The following DAB1 variants were observed in gnomAD, a reference collection of about 807,000 sequenced individuals.
The protein encoded by DAB1 is disabled homolog 1.
In DAB1, 15 loss-of-function variants were observed where a neutral mutation model predicts 64.6. The observed-to-expected ratio is 0.23, with a 90% CI of 0.16 to 0.36. DAB1 has a LOEUF of 0.36. Ranked by LOEUF, DAB1 falls within the 10% of genes least tolerant of loss-of-function variation. DAB1 has a pLI of 1.00. For synonymous variants in DAB1, 235 were observed against 251.9 expected (o/e 0.93, Z 0.64); for missense variants, 596 against 706.7 (o/e 0.84, Z 1.78).
chr1:58,396,921 C>A (rs1173280469), intron 3 of DAB1, among the ~76,000 whole-genome samples: 1 of 152,008 alleles, frequency 6.6e-6, no homozygotes, highest in East Asian at 1.9e-4. Flanking sequence ...AAAAACTAGC[C>A]GGGCGTAGTG....
intron 1 of DAB1, among the ~76,000 whole-genome samples, chr1:57,380,986 A>G (rs1055092816): frequency 2.0e-5 from 3 of 152,122 alleles, no homozygotes; most frequent in Non-Finnish European, 4.4e-5. Flanking sequence ...TCCCTATCCT[A>G]AAATATTGGT....
At chr1:57,350,452 T>A (rs1678490883) in intron 1 of DAB1, among the ~76,000 whole-genome samples, 1 of 152,180 alleles carries the variant, frequency 6.6e-6, no homozygotes, top group Admixed American at 6.5e-5. Context: ...TGCTTGCATG[T>A]TCATGGTAAA....
chr1:57,812,113 T>G (rs1387556345), intron 6 of DAB1, among the ~76,000 whole-genome samples: 1 of 151,736 alleles, frequency 6.6e-6, no homozygotes, highest in Non-Finnish European at 1.5e-5. Context: ...GCTCTTAGTT[T>G]TATTTGTTGA....
chr1:58,001,200 A>G (rs1646501694), intron 5 of DAB1, among the ~76,000 whole-genome samples: 1 of 150,128 alleles, frequency 6.7e-6, no homozygotes, highest in Non-Finnish European at 1.5e-5. Flanking sequence ...TCTCCTCCCT[A>G]CTTTTTTTCT....
chr1:57,310,038 T>A (rs1674539096), intron 1 of DAB1, among the ~76,000 whole-genome samples: 1 of 152,236 alleles, frequency 6.6e-6, no homozygotes, highest in African/African-American at 2.4e-5. Context: ...ATAGTATAAT[T>A]TACAGACTGC....
At chr1:57,305,968 C>CA (rs1048177276) in intron 1 of DAB1, among the ~76,000 whole-genome samples, 3,039 of 61,638 alleles carry the variant, frequency 0.049, 48 homozygotes, top group Middle Eastern at 0.075. Flanking sequence ...GACTCCGTCT[C>CA]AAAAAAAAAA....
intron 1 of DAB1, among the ~76,000 whole-genome samples, chr1:57,324,417 G>T (rs1489698181): frequency 2.6e-5 from 4 of 152,110 alleles, no homozygotes; most frequent in Non-Finnish European, 1.5e-5. Flanking sequence ...CATTTTATCT[G>T]TTTATTTTCC....
intron 3 of DAB1, among the ~76,000 whole-genome samples, chr1:58,459,715 C>T (rs1185561596): frequency 6.6e-6 from 1 of 152,218 alleles, no homozygotes; most frequent in Non-Finnish European, 1.5e-5. Context: ...TGGTGGCTCA[C>T]ACCTATAATC....
chr1:57,779,157 T>G (rs1424662523), intron 6 of DAB1, among the ~76,000 whole-genome samples: 2 of 152,158 alleles, frequency 1.3e-5, no homozygotes. Flanking sequence ...AGACTGGATT[T>G]GAATGTGGCC....
chr1:57,323,591 A>G (rs1451111670), intron 1 of DAB1, among the ~76,000 whole-genome samples: 1 of 152,170 alleles, frequency 6.6e-6, no homozygotes, highest in African/African-American at 2.4e-5. Flanking sequence ...GTATCACCAG[A>G]ACCAGACTGT....
chr1:58,137,101 T>C (rs2100707180), intron 5 of DAB1, among the ~76,000 whole-genome samples: 1 of 152,046 alleles, frequency 6.6e-6, no homozygotes, highest in South Asian at 2.1e-4. Flanking sequence ...AAAAAAAAAC[T>C]AAATTTACAT....
At chr1:57,319,322 G>A (rs1297166245) in intron 1 of DAB1, among the ~76,000 whole-genome samples, 1 of 152,102 alleles carries the variant, frequency 6.6e-6, no homozygotes, top group Non-Finnish European at 1.5e-5. Flanking sequence ...TTGGGGGAGG[G>A]CAGATTTGGG....
chr1:57,371,827 G>GT (rs1478358716), intron 1 of DAB1, among the ~76,000 whole-genome samples: 1 of 152,228 alleles, frequency 6.6e-6, no homozygotes, highest in Non-Finnish European at 1.5e-5. Flanking sequence ...AGGGGACAAT[G>GT]TTTTGAGACA....
At chr1:57,534,257 T>G (rs929340196) in intron 7 of DAB1, among the ~76,000 whole-genome samples, 1 of 152,164 alleles carries the variant, frequency 6.6e-6, no homozygotes, top group South Asian at 2.1e-4. Flanking sequence ...TGGTGGCAGT[T>G]AAATAACTCA....
chr1:58,289,020 C>G (rs186852660), intron 4 of DAB1, among the ~76,000 whole-genome samples: 1 of 152,198 alleles, frequency 6.6e-6, no homozygotes, highest in African/African-American at 2.4e-5. Flanking sequence ...TATCCACCCC[C>G]ACTTAGACAT....
chr1:57,794,211 A>G (rs1650734354), intron 6 of DAB1, among the ~76,000 whole-genome samples: 1 of 152,142 alleles, frequency 6.6e-6, no homozygotes, highest in Non-Finnish European at 1.5e-5. Flanking sequence ...TCACAATCCA[A>G]CTTTTTGTCA....
At chr1:57,557,313 G>A (rs1355063667) in intron 7 of DAB1, among the ~76,000 whole-genome samples, 1 of 152,106 alleles carries the variant, frequency 6.6e-6, no homozygotes, top group Non-Finnish European at 1.5e-5. Flanking sequence ...AAGTTCTACA[G>A]TTTTGGAACT....
chr1:58,532,960 T>C lies in DAB1; in HGVS notation n.33-5625A>G, dbSNP rs967791241. Among the ~76,000 whole-genome samples the C allele has an allele frequency of 3.3e-5, 5 of 152,236 alleles. No homozygotes were observed. In the East Asian group the frequency reaches 9.6e-4, roughly 29 times the overall value. ...AGGAACAGGTAGAATTTGAGATTAC[T>C]CTTAGAAGGATTAGAATCATTATCA... On this transcript the variant is annotated intron_variant and non_coding_transcript_variant, in intron 1 of 20. Transcript: ENST00000485760.
intron 1 of DAB1, among the ~76,000 whole-genome samples, chr1:57,861,384 G>T (rs964585456): frequency 1.3e-5 from 2 of 152,210 alleles, no homozygotes; most frequent in African/African-American, 4.8e-5. Context: ...CTGGGTTACA[G>T]ATTGCAGCTA....
Sources: gnomAD v4.1 joint callset for allele counts (sites outside exome capture counted in the v4.1 genomes callset) on GRCh38, gnomAD v4.1.1 for gene constraint, MANE v1.5 for transcripts, NCBI Gene and HGNC (gene_info 2026-07-23, HGNC 2026-07-21) for gene names.